The following RFX3 variants were observed in gnomAD, a reference collection of about 807,000 sequenced individuals.
RFX3 encodes the protein regulatory factor X3, also known as transcription factor RFX3.
In RFX3, 14 loss-of-function variants were observed where a neutral mutation model predicts 98.6. The observed-to-expected ratio is 0.14, with a 90% confidence interval of 0.09 to 0.22. The LOEUF is 0.22. Among genes scored for constraint, RFX3 ranks in the 10% least tolerant of loss-of-function variants. RFX3 has a pLI of 1.00. For synonymous variants in RFX3, 383 were observed against 328.4 expected (o/e 1.17, Z -1.80); for missense variants, 639 against 926.9 (o/e 0.69, Z 4.03).
rs933545251 is a variant in RFX3 at position 3,283,294 on chromosome 9, T to C, written c.851+4837A>G. On this transcript the variant is annotated intron_variant, in intron 7 of 16. Transcript: ENST00000617270. Reference sequence around the variant, plus strand: ...GCTCATCATATAATAATGATCCTAATAATAATTATCTAACACTTTAACACT... The same window carrying C: ...GCTCATCATATAATAATGATCCTAACAATAATTATCTAACACTTTAACACT... Among the ~76,000 whole-genome samples the C allele has an allele frequency of 2.6e-5, 4 of 151,922 alleles. No homozygotes were observed. The South Asian group carries it at 6.2e-4, about 24-fold the overall frequency.
At chr9:3,372,688 T>C (rs1211540136) in intron 2 of RFX3, among the ~76,000 whole-genome samples, 5 of 151,450 alleles carry the variant, frequency 3.3e-5, no homozygotes, top group Non-Finnish European at 5.9e-5. Flanking sequence ...AGGGTTCGAG[T>C]GATTCTCCTG....
At chr9:3,411,258 AG>A (rs1469676925) in intron 1 of RFX3, among the ~76,000 whole-genome samples, 4 of 152,198 alleles carry the variant, frequency 2.6e-5, no homozygotes, top group African/African-American at 9.6e-5. Context: ...CAATTAAGAC[AG>A]CAATGGAATT....
In RFX3 at chr9:3,415,068, A is replaced by G. The variant is rs964310866; in HGVS notation, c.-8-19472T>C. The stretch of plus-strand genomic sequence containing the variant: ...TATACTTATATATATACTCATATAT[A>G]AGTATATATATATTCTTATATATAT... On this transcript the variant is annotated intron_variant, in intron 1 of 16. Transcript: ENST00000617270. Among the ~76,000 whole-genome samples the G allele has an allele frequency of 5.1e-5, 5 of 97,778 alleles. 1 individual carries two copies. The highest frequency in any genetic ancestry group is 5.2e-4 in the East Asian group (2 of 3,876). The allele number at this position is 97,778 out of a possible 152,430, so 64.1% of individuals were successfully genotyped here.
rs1229769918 is a variant in RFX3 at position 3,266,156 on chromosome 9, A to G, written c.1455+52T>C. The G allele has an allele frequency of 3.6e-6, 4 of 1,097,740 alleles. No homozygotes were observed. In the African/African-American group the frequency reaches 4.7e-5, roughly 13 times the overall value. The allele number at this position is 1,097,740 out of a possible 1,614,324, so 68.0% of individuals were successfully genotyped here. On this transcript the variant is annotated intron_variant, in intron 12 of 16. Coordinates refer to ENST00000617270, the MANE Select transcript of RFX3 (RefSeq NM_001282116.2). ...TGATAGGATAGATGTAAAGTTCACA[A>G]TTCAGAATAATTTCCTCAACACAAA...
At chr9:3,343,730 A>T (rs1834145425) in intron 3 of RFX3, among the ~76,000 whole-genome samples, 1 of 152,206 alleles carries the variant, frequency 6.6e-6, no homozygotes, top group Admixed American at 6.5e-5. Context: ...CCTTGATAGT[A>T]ATGAAAGGTT....
At chr9:3,353,945 G>A (rs771082843) in intron 2 of RFX3, among the ~76,000 whole-genome samples, 1 of 151,864 alleles carries the variant, frequency 6.6e-6, no homozygotes, top group African/African-American at 2.4e-5. Context: ...GCGAAAACAT[G>A]ACCGTGCTGA....
intron 2 of RFX3, among the ~76,000 whole-genome samples, chr9:3,357,624 G>A (rs1835931298): frequency 6.6e-6 from 1 of 151,972 alleles, no homozygotes; most frequent in Non-Finnish European, 1.5e-5. Flanking sequence ...AGAGAAGTTG[G>A]TTAATGGATA....
At chr9:3,401,967 G>A (rs528674978) in intron 1 of RFX3, among the ~76,000 whole-genome samples, 1 of 152,320 alleles carries the variant, frequency 6.6e-6, no homozygotes, top group South Asian at 2.1e-4. Context: ...CAAAGCAAAT[G>A]TGTTTGGAAC....
chr9:3,326,893 A>AC (rs1362589364), intron 4 of RFX3, among the ~76,000 whole-genome samples: 2 of 152,182 alleles, frequency 1.3e-5, no homozygotes, highest in Non-Finnish European at 2.9e-5. Context: ...ACACTTACTG[A>AC]TAGCCCCCTA....
At chr9:3,357,891 A>G (rs945272344) in intron 2 of RFX3, among the ~76,000 whole-genome samples, 1 of 152,046 alleles carries the variant, frequency 6.6e-6, no homozygotes, top group African/African-American at 2.4e-5. Context: ...TTTAAAAATG[A>G]GTTTCTCTAA....
intron 6 of RFX3, among the ~76,000 whole-genome samples, chr9:3,291,378 C>CAAAACA (rs1294019252): frequency 7.0e-6 from 1 of 142,356 alleles, no homozygotes; most frequent in African/African-American, 2.6e-5. Context: ...TCTCAAAAAA[C>CAAAACA]AAAACAAAAA....
chr9:3,295,794 A>T (rs894817043), intron 5 of RFX3, among the ~76,000 whole-genome samples: 1 of 152,058 alleles, frequency 6.6e-6, no homozygotes, highest in African/African-American at 2.4e-5. Context: ...AAAAATCTTC[A>T]TTTAAAGGGC....
intron 1 of RFX3, among the ~76,000 whole-genome samples, chr9:3,470,836 C>G (rs1424795305): frequency 1.3e-5 from 2 of 152,078 alleles, no homozygotes; most frequent in Admixed American, 6.5e-5. Context: ...TTTAAATGAG[C>G]AGGATAAGAT....
At chr9:3,265,688 T>G (rs755489264) in intron 12 of RFX3, among the ~76,000 whole-genome samples, 2 of 152,196 alleles carry the variant, frequency 1.3e-5, no homozygotes, top group Non-Finnish European at 2.9e-5. Flanking sequence ...ATTGATTAAT[T>G]ATGAGTTAAT....
At chr9:3,240,113 G>A (rs990756124) in intron 15 of RFX3, among the ~76,000 whole-genome samples, 2 of 152,204 alleles carry the variant, frequency 1.3e-5, no homozygotes, top group African/African-American at 2.4e-5. Flanking sequence ...GGCTGGCTAT[G>A]TCTATGTCAA....
chr9:3,304,443 G>C lies in RFX3; in HGVS notation c.475-2823C>G, dbSNP rs184052581. ...CATTACAATCCAGTAAGAGAGACAGGGTATACACATGGTCATATATATGAA... is the reference window on the plus strand; with the variant it reads ...CATTACAATCCAGTAAGAGAGACAGCGTATACACATGGTCATATATATGAA... On this transcript the variant is annotated intron_variant, in intron 4 of 16. Coordinates refer to ENST00000617270, the MANE Select transcript of RFX3 (RefSeq NM_001282116.2). Among the ~76,000 whole-genome samples, 258 of 151,694 alleles carry C rather than the reference G, an allele frequency of 1.7e-3. 4 individuals carry two copies. The highest frequency in any genetic ancestry group is 6.0e-3 in the African/African-American group (250 of 41,382).
intron 15 of RFX3, chr9:3,247,446 T>A (rs1820828270): frequency 1.4e-6 from 1 of 709,340 alleles, no homozygotes; most frequent in Admixed American, 5.7e-5. Context: ...GCCTTAGCTT[T>A]CTGCATAAAC....
At chr9:3,347,081 G>A (rs1252551217) in intron 2 of RFX3, among the ~76,000 whole-genome samples, 3 of 152,144 alleles carry the variant, frequency 2.0e-5, no homozygotes, top group African/African-American at 7.2e-5. Context: ...AGCACTCTAG[G>A]AGGCCAAAGT....
chr9:3,421,367 T>A (rs1024380932), intron 1 of RFX3, among the ~76,000 whole-genome samples: 2 of 152,210 alleles, frequency 1.3e-5, no homozygotes, highest in Non-Finnish European at 2.9e-5. Context: ...AAGAGCTGAA[T>A]ATCCTCCTTT....
Sources: allele counts gnomAD v4.1 joint callset (sites outside exome capture counted in the v4.1 genomes callset), GRCh38; gene constraint gnomAD v4.1.1; transcripts MANE v1.5; gene names NCBI Gene and HGNC (gene_info 2026-07-23, HGNC 2026-07-21).